Variants in GLT8D2 observed in about 807,000 individuals in gnomAD.
GLT8D2 encodes glycosyltransferase 8 domain-containing protein 2.
GLT8D2 carries 45 observed loss-of-function variants against 44.5 expected under a neutral mutation model. The ratio of observed to expected loss-of-function variants is 1.01; its 90% CI spans 0.80 to 1.30. The LOEUF (loss-of-function observed/expected upper bound fraction) is 1.30. GLT8D2 is among the 50% of genes most tolerant of loss of function. The pLI is 0.00. For synonymous variants in GLT8D2, 156 were observed against 157.2 expected (o/e 0.99, Z 0.06); for missense variants, 400 against 430.4 (o/e 0.93, Z 0.62).
chr12:104,014,230 C>A lies in GLT8D2; in HGVS notation c.112+783G>T, dbSNP rs963402494. 32 of 694,480 alleles carry A rather than the reference C, an allele frequency of 4.6e-5. 1 individual carries two copies. The highest frequency in any genetic ancestry group is 8.1e-5 in the Non-Finnish European group (31 of 382,024). The allele number at this position is 694,480 out of a possible 1,614,324, so 43.0% of individuals were successfully genotyped here. A position where few individuals can be genotyped will look rare whatever the true frequency, so the allele number is the denominator to read the frequency against. On this transcript the variant is annotated intron_variant, in intron 4 of 10. Coordinates refer to ENST00000360814, the MANE Select transcript of GLT8D2 (RefSeq NM_001384711.1). ...ATTAGCTGGGCGTGGTGGCACACACCTGTAGTTCCAACTTCCTGGGGTGCT... is the reference window on the plus strand; with the variant it reads ...ATTAGCTGGGCGTGGTGGCACACACATGTAGTTCCAACTTCCTGGGGTGCT...
chr12:104,033,477 G>A (rs187278905), intron 1 of GLT8D2, among the ~76,000 whole-genome samples: 1 of 152,242 alleles, frequency 6.6e-6, no homozygotes, highest in East Asian at 1.9e-4. Context: ...GAGAGTAGAA[G>A]GGTGGTTACC....
chr12:104,043,328 A>G (rs546191506), intron 1 of GLT8D2, among the ~76,000 whole-genome samples: 42 of 152,298 alleles, frequency 2.8e-4, no homozygotes, highest in African/African-American at 9.6e-4. Context: ...CAGCCATCTC[A>G]CATGGATTCC....
chr12:104,028,769 A>T (rs563081528), intron 1 of GLT8D2, among the ~76,000 whole-genome samples: 1 of 152,224 alleles, frequency 6.6e-6, no homozygotes, highest in Non-Finnish European at 1.5e-5. Context: ...GATCAACAAA[A>T]TGAAACAAAT....
chr12:104,003,121 A>G lies in GLT8D2; in HGVS notation c.284+14T>C. The G allele has an allele frequency of 6.2e-7, 1 of 1,608,976 alleles. No homozygotes were observed. On this transcript the variant is annotated intron_variant, in intron 5 of 10. Transcript: ENST00000360814. ...GGAAACAGAAAGTGCCAAAGTCTGT[A>G]AGACATAACTTACCGTATTCGAGTC...
At chr12:104,051,748 GTTT>G (rs527838275), upstream of GLT8D2, among the ~76,000 whole-genome samples, 1 of 147,010 alleles carries the variant, frequency 6.8e-6, no homozygotes, top group East Asian at 2.0e-4. Flanking sequence ...CCTTCCCAGT[GTTT>G]TTTTTTTAAC....
intron 3 of GLT8D2, among the ~76,000 whole-genome samples, chr12:104,016,704 G>GGAGA (rs1448029785): frequency 1.4e-5 from 1 of 73,526 alleles, no homozygotes; most frequent in Non-Finnish European, 2.8e-5. Context: ...AGAAAGAAAG[G>GGAGA]GAGAGAGAAA....
chr12:104,017,915 C>T (rs1227666791), intron 3 of GLT8D2, among the ~76,000 whole-genome samples: 3 of 152,160 alleles, frequency 2.0e-5, no homozygotes, highest in African/African-American at 4.8e-5. Flanking sequence ...CAAGGCAATG[C>T]AGGCCCAATA....
At chr12:104,051,153 C>A (rs1285645477), upstream of GLT8D2, among the ~76,000 whole-genome samples, 1 of 151,240 alleles carries the variant, frequency 6.6e-6, no homozygotes, top group Non-Finnish European at 1.5e-5. Context: ...CAGGGTCTTG[C>A]TCTGTTACTC....
intron 1 of GLT8D2, among the ~76,000 whole-genome samples, chr12:104,043,792 A>C (rs2136485636): frequency 6.6e-6 from 1 of 152,254 alleles, no homozygotes; most frequent in Admixed American, 6.5e-5. Flanking sequence ...AAATTGCTCC[A>C]CAAAAAAATC....
chr12:104,015,438 A>T (rs1876457037), intron 3 of GLT8D2, among the ~76,000 whole-genome samples: 1 of 149,048 alleles, frequency 6.7e-6, no homozygotes, highest in African/African-American at 2.5e-5. Flanking sequence ...ACACACACAA[A>T]TTAGCTGGGC....
At chr12:104,019,942 TAG>T (rs557190392) in intron 2 of GLT8D2, among the ~76,000 whole-genome samples, 130 of 152,266 alleles carry the variant, frequency 8.5e-4, no homozygotes, top group Non-Finnish European at 7.1e-4. Context: ...TTTTTGGTGA[TAG>T]AGTCTCGCTC....
At chr12:104,044,325 C>A (rs1424018845) in intron 1 of GLT8D2, among the ~76,000 whole-genome samples, 1 of 152,184 alleles carries the variant, frequency 6.6e-6, no homozygotes. Flanking sequence ...TCGTCATCAC[C>A]GGTGTACTGG....
upstream of GLT8D2, among the ~76,000 whole-genome samples, chr12:104,052,061 T>C (rs1430630401): frequency 1.3e-5 from 2 of 152,222 alleles, no homozygotes; most frequent in Non-Finnish European, 2.9e-5. Flanking sequence ...TTGGTCCAAA[T>C]GTACTTAAAA....
At chr12:104,016,709 GAGAA>G (rs550246831) in intron 3 of GLT8D2, among the ~76,000 whole-genome samples, 4,341 of 72,326 alleles carry the variant, frequency 0.06, 224 homozygotes, top group Non-Finnish European at 0.072. Flanking sequence ...GAAAGGGAGA[GAGAA>G]AGAAAGAAAG....
rs79574191 is a variant in GLT8D2 at position 104,019,797 on chromosome 12, T to C, written c.-28-121A>G. 919 of 570,990 alleles carry C rather than the reference T, an allele frequency of 1.6e-3. 16 individuals are homozygous for C. The East Asian group carries it at 0.029, about 18-fold the overall frequency. The allele number at this position is 570,990 out of a possible 1,614,324, so 35.4% of individuals were successfully genotyped here. On this transcript the variant is annotated intron_variant, in intron 2 of 10. Transcript: ENST00000360814. Reference sequence around the variant, plus strand: ...TATCGTGAAGTGTGTGATCATTTTTTACTGCTCCAAATCTAAAATTTTGGA... The same window carrying C: ...TATCGTGAAGTGTGTGATCATTTTTCACTGCTCCAAATCTAAAATTTTGGA...
intron 4 of GLT8D2, among the ~76,000 whole-genome samples, chr12:104,007,962 T>C (rs964463870): frequency 4.6e-5 from 7 of 152,258 alleles, no homozygotes; most frequent in African/African-American, 1.7e-4. Context: ...CCTCCTGCCA[T>C]GATTCTGAGG....
chr12:104,001,883 T>C (rs137878859), intron 5 of GLT8D2, among the ~76,000 whole-genome samples: 1,862 of 152,236 alleles, frequency 0.012, 25 homozygotes, highest in Non-Finnish European at 0.02. Flanking sequence ...TTTGTATCTT[T>C]AGTAGAGACG....
chr12:104,000,454 A>G (rs183777651), intron 5 of GLT8D2, among the ~76,000 whole-genome samples: 159 of 152,330 alleles, frequency 1.0e-3, no homozygotes, highest in Admixed American at 1.9e-3. Context: ...TGGATGTTAC[A>G]TGAGTGTGTT....
At chr12:104,038,955 C>A (rs1373523386) in intron 1 of GLT8D2, among the ~76,000 whole-genome samples, 2 of 152,042 alleles carry the variant, frequency 1.3e-5, no homozygotes, top group African/African-American at 4.8e-5. Context: ...AGATACAGAC[C>A]AATGCAACAG....
Sources: allele counts gnomAD v4.1 joint callset (sites outside exome capture counted in the v4.1 genomes callset), GRCh38; gene constraint gnomAD v4.1.1; transcripts MANE v1.5; gene names NCBI Gene and HGNC (gene_info 2026-07-23, HGNC 2026-07-21).